Variants in CSNK2B observed in about 807,000 individuals in gnomAD.
CSNK2B encodes casein kinase II subunit beta.
A neutral mutation model predicts 28.8 loss-of-function variants in CSNK2B; 2 were observed. The observed-to-expected ratio is 0.07, with a 90% CI of 0.03 to 0.22. CSNK2B has a LOEUF of 0.22. Among genes scored for constraint, CSNK2B ranks in the 10% least tolerant of loss-of-function variants. The pLI is 1.00. For missense variants in CSNK2B, 107 were observed against 277.9 expected (o/e 0.39, Z 4.37); for synonymous variants, 89 against 96.1 (o/e 0.93, Z 0.43).
chr6:31,666,581 G>A (rs2151181366), intron 1 of CSNK2B: 3 of 566,618 alleles, frequency 5.3e-6, no homozygotes, highest in East Asian at 5.9e-5. Flanking sequence ...TCGGGCTGGT[G>A]GGTCAAAGTA....
intron 1 of CSNK2B, 55 bp downstream of exon 1, chr6:31,666,263 G>A (rs1801683649): frequency 1.1e-6 from 1 of 904,676 alleles, no homozygotes; most frequent in Admixed American, 5.7e-5. Context: ...GCGGCACATG[G>A]GGTCTCCGGA....
At chr6:31,666,746 C>G in intron 1 of CSNK2B, 75 bp from the exon 2 acceptor site, 1 of 1,241,044 alleles carries the variant, frequency 8.1e-7, no homozygotes, top group Non-Finnish European at 1.1e-6. Flanking sequence ...GTTGGAGGGC[C>G]GAATGTGGGA....
chr6:31,668,097 T>C lies in CSNK2B; in HGVS notation c.175+127T>C, dbSNP rs1377053774. 11 of 728,518 alleles carry C rather than the reference T, an allele frequency of 1.5e-5. No individual in the cohort carries two copies. In the South Asian group the frequency reaches 1.6e-4, roughly 11 times the overall value. The allele number at this position is 728,518 out of a possible 1,614,324, so 45.1% of individuals were successfully genotyped here. A position where few individuals can be genotyped will look rare whatever the true frequency, so the allele number is the denominator to read the frequency against. On this transcript the variant is annotated intron_variant, in intron 3 of 6. Transcript: ENST00000375882. ...ATTTCTTTAACCCCAAATTCATGCTTTATTTTGATCCTCCACCTGACTCTT... is the reference window on the plus strand; with the variant it reads ...ATTTCTTTAACCCCAAATTCATGCTCTATTTTGATCCTCCACCTGACTCTT...
rs769375945 is a variant in CSNK2B, at chr6:31,667,980, C to T, written c.175+10C>T. ...TTGGACCTGGAGCCTGGTGAGGCAC[C>T]CTCAGGGTTGTTTTGTGTGTGTGCG... On this transcript the variant is annotated intron_variant, in intron 3 of 6. Transcript: ENST00000375882. The T allele has an allele frequency of 5.3e-5, 84 of 1,587,334 alleles. No homozygotes were observed. The highest frequency in any genetic ancestry group is 7.0e-5 in the Non-Finnish European group (81 of 1,157,346).
Position 31,669,384 on chromosome 6 carries a change from A to G in CSNK2B, c.433A>G (p.Thr145Ala), listed in dbSNP as rs1451918811. The G allele has an allele frequency of 6.2e-7, 1 of 1,614,210 alleles. No homozygotes were observed. Among genetic ancestry groups the G allele is most frequent in the South Asian group, 1.1e-5 (1 of 91,088 alleles). ...LYCPKCMDVY[T>A]PKSSRHHHTD... ...CTGCCCCAAGTGCATGGATGTGTAC[A>G]CACCCAAGTCATCAAGACACCATCA... Residue 145 changes from threonine (T) to alanine (A), a missense_variant, in exon 6 of 7, where the codon ACA becomes GCA. Thr to Ala is a moderately conservative substitution (Grantham distance 58). Coordinates refer to ENST00000375882, the MANE Select transcript of CSNK2B (RefSeq NM_001320.7). This position sits in a 1 kb window ranked among gnomAD's most constrained non-coding sequence, Gnocchi z 4.8.
At chr6:31,668,852 G>A (rs1254930270) in intron 4 of CSNK2B, 198 bp downstream of exon 4, 12 of 617,722 alleles carry the variant, frequency 1.9e-5, no homozygotes, top group Middle Eastern at 4.2e-4. Context: ...GACAGACCTT[G>A]AATCAGAGAG....
intron 3 of CSNK2B, chr6:31,668,257 TC>T: frequency 1.7e-6 from 1 of 600,604 alleles, no homozygotes; most frequent in Non-Finnish European, 2.9e-6. Context: ...GTCTAGAATT[TC>T]ATCTTCTGCA....
chr6:31,668,512 GTTGCAT>G lies in CSNK2B; in HGVS notation c.176-23_176-18del, dbSNP rs753751709. ...ACCTAGGAAAGCTGAAAAACAAGTAGTTGCATTTGGCCGGGCTGTGTTTCAGATGAA... is the reference window on the plus strand; with the variant it reads ...ACCTAGGAAAGCTGAAAAACAAGTAGTTGGCCGGGCTGTGTTTCAGATGAA... On this transcript the variant is annotated intron_variant, in intron 3 of 6. Coordinates refer to ENST00000375882, the MANE Select transcript of CSNK2B (RefSeq NM_001320.7). The G allele has an allele frequency of 7.5e-6, 12 of 1,601,000 alleles. No homozygotes were observed. In the East Asian group the frequency reaches 2.5e-4, roughly 33 times the overall value.
At chr6:31,666,590 T>A (rs1343679838) in intron 1 of CSNK2B, 1 of 574,810 alleles carries the variant, frequency 1.7e-6, no homozygotes, top group Non-Finnish European at 3.1e-6. Flanking sequence ...TGGGTCAAAG[T>A]ATCTGTTGGC....
Position 31,667,856 on chromosome 6 carries a change from A to G in CSNK2B, c.73-12A>G, listed in dbSNP as rs1438195635. ...TGATATGGGTTCCCTCTTGGCTTCCATGTCCTGACAGGTGGATGAAGACTA... is the reference window on the plus strand; with the variant it reads ...TGATATGGGTTCCCTCTTGGCTTCCGTGTCCTGACAGGTGGATGAAGACTA... On this transcript the variant is annotated splice_polypyrimidine_tract_variant and intron_variant, in intron 2 of 6. Transcript: ENST00000375882. The G allele has an allele frequency of 3.4e-6, 5 of 1,467,130 alleles. No homozygotes were observed. The highest frequency in any genetic ancestry group is 4.5e-6 in the Non-Finnish European group (5 of 1,102,796). 90.9% of individuals were successfully genotyped at this position (1,467,130 alleles called of 1,614,324 possible).
At chr6:31,667,392 A>G in intron 2 of CSNK2B, 2 of 357,876 alleles carry the variant, frequency 5.6e-6, no homozygotes, top group Non-Finnish European at 1.1e-5. Flanking sequence ...TCGGCCTCCC[A>G]AAGTGCTGGG....
rs748230483 is a variant in CSNK2B at position 31,668,505 on chromosome 6, A to G, written c.176-34A>G. The G allele has an allele frequency of 2.2e-5, 35 of 1,592,160 alleles. No individual in the cohort carries two copies. In the South Asian group the frequency reaches 3.6e-4, roughly 17 times the overall value. On this transcript the variant is annotated intron_variant, in intron 3 of 6. Transcript: ENST00000375882. ...GCAGGGCACCTAGGAAAGCTGAAAA[A>G]CAAGTAGTTGCATTTGGCCGGGCTG...
In CSNK2B at chr6:31,669,506, C is replaced by T. The variant is rs1184230000; in HGVS notation, c.555C>T (p.Pro185=). The change falls in exon 6 of 7, where the codon CCC becomes CCT. Residue 185 remains proline, a splice_region_variant and synonymous_variant. Transcript: ENST00000375882. The surrounding 1 kb of genome is among the most constrained non-coding windows in gnomAD (Gnocchi z 4.8). ...AGAGACCTGCCAACCAGTTTGTGCC[C>T]AGGTAGGGAGCAGGGAGAGTCATTA... The part of the protein sequence containing the change: ...RPKRPANQFV[P]RLYGFKIHPM... 6.2e-7 allele frequency: 1 copy of T among 1,608,100 alleles called. No individual in the cohort carries two copies. Among genetic ancestry groups the T allele is most frequent in the Non-Finnish European group, 8.5e-7 (1 of 1,179,692 alleles).
chr6:31,669,062 C>A lies in CSNK2B; in HGVS notation c.292-35C>A, dbSNP rs146463773. On this transcript the variant is annotated intron_variant, in intron 4 of 6. Coordinates refer to ENST00000375882, the MANE Select transcript of CSNK2B (RefSeq NM_001320.7). This position sits in a 1 kb window ranked among gnomAD's most constrained non-coding sequence, Gnocchi z 4.8. ...GAAGGGAGTTGCCTCTTCTTTACAT[C>A]TACCTGCCAACCCCTTCCATTGTAT... is the stretch of plus-strand genomic sequence containing the variant. 4 of 1,567,162 alleles carry A rather than the reference C, an allele frequency of 2.6e-6. No homozygotes were observed. The African/African-American group carries it at 5.4e-5, about 21-fold the overall frequency.
chr6:31,668,225 T>C (rs1801932225), intron 3 of CSNK2B: 1 of 607,386 alleles, frequency 1.6e-6, no homozygotes, highest in African/African-American at 1.9e-5. Flanking sequence ...TGTTGTCTGT[T>C]TCTCCTGCTT....
chr6:31,669,185 G>T lies in CSNK2B; in HGVS notation c.367+13G>T. ...ATGCTTCCCATTGGTGAGTGTTGAA[G>T]AAGGGAAAGGAAAGCACCGTGTGGC... On this transcript the variant is annotated intron_variant, in intron 5 of 6. Coordinates refer to ENST00000375882, the MANE Select transcript of CSNK2B (RefSeq NM_001320.7). The surrounding 1 kb of genome is among the most constrained non-coding windows in gnomAD (Gnocchi z 4.8). The T allele has an allele frequency of 6.2e-7, 1 of 1,612,488 alleles. No homozygotes were observed. The highest frequency in any genetic ancestry group is 8.5e-7 in the Non-Finnish European group (1 of 1,178,640).
chr6:31,668,195 G>A (rs1020143618), intron 3 of CSNK2B: 8 of 616,388 alleles, frequency 1.3e-5, no homozygotes, highest in Non-Finnish European at 1.7e-5. Flanking sequence ...TCCAAAATGC[G>A]TTTCCTCATG....
At chr6:31,668,486 C>T in intron 3 of CSNK2B, 53 bp from the exon 4 acceptor site, 2 of 1,514,928 alleles carry the variant, frequency 1.3e-6, no homozygotes, top group South Asian at 2.3e-5. Flanking sequence ...ATGGGCAGGG[C>T]ACCTAGGAAA....
chr6:31,666,566 G>A (rs1801722714), intron 1 of CSNK2B: 1 of 550,582 alleles, frequency 1.8e-6, no homozygotes, highest in South Asian at 2.3e-5. Flanking sequence ...CTCCAGGGAT[G>A]TGGGTCGGGC....
Sources: allele counts gnomAD v4.1 joint callset, GRCh38; gene constraint gnomAD v4.1.1; non-coding constraint Gnocchi (gnomAD v3.1); transcripts MANE v1.5; gene names NCBI Gene and HGNC (gene_info 2026-07-23, HGNC 2026-07-21).